Variants in CDH11 observed in about 807,000 individuals in gnomAD.
CDH11 encodes the protein cadherin 11.
CDH11 carries 11 observed loss-of-function variants against 67.8 expected under a neutral mutation model. The observed-to-expected ratio is 0.16, with a 90% CI of 0.10 to 0.27. The LOEUF (loss-of-function observed/expected upper bound fraction) is 0.27, where lower values mean the gene tolerates loss of function less well. Ranked by LOEUF, CDH11 falls within the 10% of genes least tolerant of loss-of-function variation. The pLI, the probability that CDH11 is intolerant of heterozygous loss-of-function variation, is 1.00. For synonymous variants in CDH11, 419 were observed against 400.0 expected (o/e 1.05, Z -0.57); for missense variants, 847 against 1,031.2 (o/e 0.82, Z 2.45).
At chr16:65,036,402 T>C (rs1461400689) in intron 2 of CDH11, among the ~76,000 whole-genome samples, 1 of 152,094 alleles carries the variant, frequency 6.6e-6, no homozygotes, top group Non-Finnish European at 1.5e-5. Context: ...TACCTGCTTA[T>C]ATTAATAGGA....
At chr16:64,984,742 T>A (rs1437596527) in intron 7 of CDH11, 1 of 152,190 alleles carries the variant, frequency 6.6e-6, no homozygotes, top group Non-Finnish European at 1.5e-5. Context: ...GTCAATAGGA[T>A]GGGATGTTAT....
intron 3 of CDH11, among the ~76,000 whole-genome samples, chr16:65,003,007 A>G (rs1030293583): frequency 1.4e-5 from 2 of 144,500 alleles, no homozygotes; most frequent in African/African-American, 5.1e-5. Context: ...ATCTTAATCT[A>G]GTTTACATTT....
intron 2 of CDH11, among the ~76,000 whole-genome samples, chr16:65,036,369 T>C (rs1347457810): frequency 6.6e-6 from 1 of 152,144 alleles, no homozygotes; most frequent in African/African-American, 2.4e-5. Flanking sequence ...CTTGGGACTC[T>C]AGAGGCAATG....
In CDH11 at chr16:64,947,184, G is replaced by C; in HGVS notation, c.*419C>G. 1 of 1,073,536 alleles carries C rather than the reference G, an allele frequency of 9.3e-7. No homozygotes were observed. The highest frequency in any genetic ancestry group is 1.1e-6 in the Non-Finnish European group (1 of 882,478). The allele number at this position is 1,073,536 out of a possible 1,614,324, so 66.5% of individuals were successfully genotyped here. A position where few individuals can be genotyped will look rare whatever the true frequency, so the allele number is the denominator to read the frequency against. On this transcript the variant is annotated 3_prime_UTR_variant, in exon 13 of 13. Transcript: ENST00000268603. ...TTTAAAAATGCACTACATATAGAGTGTCCAGAGTTTAAGGCGAAATTACAG... is the reference window on the plus strand; with the variant it reads ...TTTAAAAATGCACTACATATAGAGTCTCCAGAGTTTAAGGCGAAATTACAG...
In CDH11 at chr16:65,033,384, C is replaced by T. The variant is rs555190822; in HGVS notation, c.-173+20420G>A. On this transcript the variant is annotated intron_variant, in intron 2 of 12. Transcript: ENST00000268603. ...TGGTTATTCTCTCTTTAGATTTATT[C>T]AGAATGATGAAGCTACATTCATTTT... 5.3e-5 allele frequency among the ~76,000 whole-genome samples: 8 copies of T among 152,216 alleles called. No individual in the cohort carries two copies. The South Asian group carries it at 1.7e-3, about 32-fold the overall frequency.
At chr16:64,997,144 A>G (rs917585766) in intron 4 of CDH11, among the ~76,000 whole-genome samples, 3 of 151,840 alleles carry the variant, frequency 2.0e-5, no homozygotes, top group African/African-American at 7.3e-5. Context: ...ATAAAAATAC[A>G]AAGAAATTAG....
chr16:64,990,195 T>C (rs2072594470), intron 6 of CDH11, among the ~76,000 whole-genome samples: 1 of 152,226 alleles, frequency 6.6e-6, no homozygotes, highest in African/African-American at 2.4e-5. Flanking sequence ...TGCCTGCTAA[T>C]AATTCTGCTT....
intron 2 of CDH11, among the ~76,000 whole-genome samples, chr16:65,053,525 A>G (rs2074093095): frequency 6.6e-6 from 1 of 152,210 alleles, no homozygotes; most frequent in African/African-American, 2.4e-5. Context: ...GTCCTTGCTA[A>G]ACAATTATAA....
rs2075337476 is a variant in CDH11 at position 65,121,857 on chromosome 16, A to T, written c.-298+23T>A. 1.4e-6 allele frequency: 1 copy of T among 701,590 alleles called. No homozygotes were observed. The highest frequency in any genetic ancestry group is 1.8e-5 in the African/African-American group (1 of 57,120). 43.5% of individuals were successfully genotyped at this position (701,590 alleles called of 1,614,324 possible). ...CAAGAAGCCCCAACCAGGCGAGAGG[A>T]AGGGACTGGCGGCGCACCTCACCTG... is the stretch of plus-strand genomic sequence containing the variant. On this transcript the variant is annotated intron_variant, in intron 1 of 12. Transcript: ENST00000268603. This position sits in a 1 kb window ranked among gnomAD's most constrained non-coding sequence, Gnocchi z 4.1.
Position 64,997,549 on chromosome 16 carries a change from T to C in CDH11, c.523+1013A>G, listed in dbSNP as rs80211233. 9.6e-3 allele frequency among the ~76,000 whole-genome samples: 1,459 copies of C among 152,200 alleles called. 38 individuals carry two copies. The East Asian group carries it at 0.11, about 11-fold the overall frequency. On this transcript the variant is annotated intron_variant, in intron 4 of 12. Transcript: ENST00000268603. ...GACACTGCTGTTTCCTCTGTATGGA[T>C]TTATTTGATATTTGTTGTTTCTCAT...
At chr16:65,123,322 AC>A (rs918028609), upstream of CDH11, among the ~76,000 whole-genome samples, 1 of 151,864 alleles carries the variant, frequency 6.6e-6, no homozygotes, top group African/African-American at 2.4e-5. Flanking sequence ...GCCTAGGGGG[AC>A]GGGGATGAGG....
chr16:64,971,878 ACT>A, intron 10 of CDH11, 51 bp downstream of exon 10: 1 of 1,595,634 alleles, frequency 6.3e-7, no homozygotes, highest in Non-Finnish European at 8.6e-7. Flanking sequence ...TAAAAAACAC[ACT>A]CTATTTCCAA....
rs923410296 is a variant in CDH11, at chr16:64,944,486, G to T, written c.*3117C>A. 2.6e-5 allele frequency: 6 copies of T among 232,746 alleles called. No individual in the cohort carries two copies. The highest frequency in any genetic ancestry group is 1.3e-4 in the African/African-American group (6 of 45,198). The allele number at this position is 232,746 out of a possible 1,614,324, so 14.4% of individuals were successfully genotyped here. On this transcript the variant is annotated 3_prime_UTR_variant, in exon 13 of 13. Coordinates refer to ENST00000268603, the MANE Select transcript of CDH11 (RefSeq NM_001797.4). ...CCACACTGCCTGCCAAATAAATTTT[G>T]CCCCTCTTCTGCTCAGAGACTCCAA...
chr16:65,065,390 A>G (rs1455670829), intron 1 of CDH11, among the ~76,000 whole-genome samples: 1 of 152,254 alleles, frequency 6.6e-6, no homozygotes, highest in Admixed American at 6.5e-5. Flanking sequence ...AGGAGAAAGA[A>G]CAGCATGAAA....
chr16:65,025,033 C>T (rs1422726758), intron 2 of CDH11, among the ~76,000 whole-genome samples: 2 of 152,224 alleles, frequency 1.3e-5, no homozygotes, highest in Non-Finnish European at 2.9e-5. Context: ...CTCAGTCCAG[C>T]AGCAGGTTAG....
rs544901583 is a variant in CDH11 at position 65,013,064 on chromosome 16, C to T, written c.-172-8023G>A. ...TTGGAAATAGCCTATAAATGGTCTC[C>T]CATGCATATCTGCAGGGGCTTGTGA... On this transcript the variant is annotated intron_variant, in intron 2 of 12. Transcript: ENST00000268603. Among the ~76,000 whole-genome samples, 14 of 152,264 alleles carry T rather than the reference C, an allele frequency of 9.2e-5. No individual in the cohort carries two copies. In the Middle Eastern group the frequency reaches 0.02, roughly 222 times the overall value.
Position 64,991,828 on chromosome 16 carries a change from TC to T in CDH11, c.750del (p.Thr251GlnfsTer4). 1 of 1,613,966 alleles carries T rather than the reference TC, an allele frequency of 6.2e-7. No homozygotes were observed. The highest frequency in any genetic ancestry group is 8.5e-7 in the Non-Finnish European group (1 of 1,179,862). Reference sequence around the variant, plus strand: ...GTCAGTGTGATCGTCACTTTGGTTGTCCCTGAGAGTCCGCCCATATGTCCAC... The same window carrying T: ...GTCAGTGTGATCGTCACTTTGGTTGTCCTGAGAGTCCGCCCATATGTCCAC... The part of the protein sequence containing the change: ...DMGGHMGGLS[G>X]TTKVTITLTD... On this transcript the variant is annotated frameshift_variant, in exon 6 of 13. Transcript: ENST00000268603. LOFTEE classifies it high-confidence loss of function.
Position 64,944,343 on chromosome 16 carries a change from T to G in CDH11, c.*3260A>C, listed in dbSNP as rs1173703736. The stretch of plus-strand genomic sequence containing the variant: ...GGCAGTGCAAGAGCAGAGAAGTCTT[T>G]CCTCTTCTCCATCTCCAAATTACTG... On this transcript the variant is annotated 3_prime_UTR_variant, in exon 13 of 13. Coordinates refer to ENST00000268603, the MANE Select transcript of CDH11 (RefSeq NM_001797.4). The G allele has an allele frequency of 4.3e-6, 1 of 232,522 alleles. No individual in the cohort carries two copies. Among genetic ancestry groups the G allele is most frequent in the Non-Finnish European group, 8.5e-6 (1 of 117,748 alleles). 14.4% of individuals were successfully genotyped at this position (232,522 alleles called of 1,614,324 possible).
intron 4 of CDH11, among the ~76,000 whole-genome samples, chr16:64,994,318 C>T (rs937134768): frequency 6.6e-6 from 1 of 152,148 alleles, no homozygotes; most frequent in African/African-American, 2.4e-5. Context: ...ATTTTAAATG[C>T]TTAATTTCCT....
Sources: gnomAD v4.1 joint callset for allele counts (sites outside exome capture counted in the v4.1 genomes callset) on GRCh38, gnomAD v4.1.1 for gene constraint, Gnocchi (gnomAD v3.1) non-coding constraint, MANE v1.5 for transcripts, NCBI Gene and HGNC (gene_info 2026-07-23, HGNC 2026-07-21) for gene names.